The following IL31RA variants were observed in gnomAD, a reference collection of about 807,000 sequenced individuals.
IL31RA encodes the protein interleukin-31 receptor subunit alpha.
Under a neutral mutation model 83.7 loss-of-function variants are expected in IL31RA, and 66 were observed. The observed-to-expected ratio is 0.79, with a 90% CI of 0.65 to 0.97. The LOEUF (loss-of-function observed/expected upper bound fraction) is 0.97. IL31RA is among the 50% of genes least tolerant of loss of function. The pLI is 0.00. For missense variants in IL31RA, 798 were observed against 919.4 expected, an observed-to-expected ratio of 0.87 and a Z score of 1.71; for synonymous variants, 325 against 329.0, an observed-to-expected ratio of 0.99 and a Z score of 0.13.
intron 5 of IL31RA, among the ~76,000 whole-genome samples, chr5:55,889,454 G>A (rs1747846161): frequency 6.6e-6 from 1 of 152,216 alleles, no homozygotes. Context: ...AAAAAGCCGA[G>A]GAGTGAAGAA....
intron 4 of IL31RA, among the ~76,000 whole-genome samples, chr5:55,875,433 G>A (rs772542619): frequency 1.7e-4 from 26 of 152,228 alleles, no homozygotes; most frequent in Non-Finnish European, 3.4e-4. Context: ...AAAGACTAGT[G>A]TTAATTATTT....
chr5:55,865,017 ACCCTTGGTTCAC>A (rs1745957708), intron 2 of IL31RA, among the ~76,000 whole-genome samples: 1 of 152,070 alleles, frequency 6.6e-6, no homozygotes, highest in Non-Finnish European at 1.5e-5. Flanking sequence ...TTGCAAGCTA[ACCCTTGGTTCAC>A]CTCTTGTAGG....
chr5:55,861,623 A>C (rs1053849155), intron 2 of IL31RA, among the ~76,000 whole-genome samples: 39 of 152,236 alleles, frequency 2.6e-4, no homozygotes, highest in Non-Finnish European at 1.0e-4. Context: ...GATAGAAAAT[A>C]GATGATACAG....
chr5:55,872,331 T>G lies in IL31RA; in HGVS notation c.334T>G (p.Ser112Ala). The change falls in exon 4 of 15, where the codon TCG (serine) becomes GCG (alanine). Residue 112 changes from serine (S) to alanine (A), a missense_variant. Coordinates refer to ENST00000652347, the MANE Select transcript of IL31RA (RefSeq NM_139017.7). ...TNSSTSENRA[S>A]CSFFLPRITI... Reference sequence around the variant, plus strand: ...TAGTTCTACAAGTGAAAATCGTGCTTCGTGCTCTTTTTTCCTTCCAAGAAT... The same window carrying G: ...TAGTTCTACAAGTGAAAATCGTGCTGCGTGCTCTTTTTTCCTTCCAAGAAT... 1 of 1,613,408 alleles carries G rather than the reference T, an allele frequency of 6.2e-7. No individual in the cohort carries two copies. Among genetic ancestry groups the G allele is most frequent in the Non-Finnish European group, 8.5e-7 (1 of 1,179,430 alleles).
intron 12 of IL31RA, among the ~76,000 whole-genome samples, chr5:55,912,230 T>C (rs148576092): frequency 2.3e-4 from 35 of 152,338 alleles, no homozygotes; most frequent in African/African-American, 8.2e-4. Flanking sequence ...CCCTGAATTC[T>C]CTGCTTAAAA....
intron 2 of IL31RA, among the ~76,000 whole-genome samples, chr5:55,867,261 TTGTGTGCGTG>T (rs1159630682): frequency 2.0e-3 from 17 of 8,450 alleles, no homozygotes; most frequent in East Asian, 5.8e-3. Flanking sequence ...GTGCGTGTGT[TTGTGTGCGTG>T]TGTGTGCATG....
At chr5:55,847,635 T>G (rs1744968215), upstream of IL31RA, among the ~76,000 whole-genome samples, 1 of 152,216 alleles carries the variant, frequency 6.6e-6, no homozygotes, top group Non-Finnish European at 1.5e-5. Flanking sequence ...CCCTTACTGT[T>G]TTCCCCATTG....
intron 9 of IL31RA, among the ~76,000 whole-genome samples, chr5:55,906,812 G>A (rs1359203022): frequency 6.6e-6 from 1 of 152,174 alleles, no homozygotes; most frequent in East Asian, 1.9e-4. Flanking sequence ...AGGATGGAGT[G>A]CAGTGGCACG....
At chr5:55,910,817 T>C in intron 12 of IL31RA, 145 bp downstream of exon 12, 1 of 954,790 alleles carries the variant, frequency 1.0e-6, no homozygotes, top group Admixed American at 1.7e-5. Context: ...TCACCAACCT[T>C]CCTGGAAAGC....
intron 4 of IL31RA, among the ~76,000 whole-genome samples, chr5:55,877,565 G>GA (rs1746936113): frequency 6.6e-6 from 1 of 152,076 alleles, no homozygotes; most frequent in Admixed American, 6.5e-5. Context: ...ATTTATTTTG[G>GA]AATGTCTTAA....
intron 4 of IL31RA, among the ~76,000 whole-genome samples, chr5:55,874,427 A>C (rs1051248412): frequency 3.9e-5 from 6 of 152,066 alleles, no homozygotes; most frequent in African/African-American, 1.4e-4. Context: ...TTAGCTTGTC[A>C]ATTTCTGCAG....
intron 5 of IL31RA, among the ~76,000 whole-genome samples, chr5:55,885,739 C>G (rs1747557508): frequency 6.6e-6 from 1 of 152,192 alleles, no homozygotes; most frequent in African/African-American, 2.4e-5. Flanking sequence ...ACTTCTCCCC[C>G]CAGCTTCCTT....
At chr5:55,870,554 T>G (rs1746449546) in intron 3 of IL31RA, among the ~76,000 whole-genome samples, 1 of 152,090 alleles carries the variant, frequency 6.6e-6, no homozygotes, top group African/African-American at 2.4e-5. Flanking sequence ...ATTTCCCCTC[T>G]TCCTCCATCT....
intron 5 of IL31RA, among the ~76,000 whole-genome samples, chr5:55,884,560 G>A (rs556920903): frequency 2.2e-4 from 34 of 152,114 alleles, no homozygotes; most frequent in Admixed American, 5.9e-4. Flanking sequence ...TCAGCCTCTC[G>A]AGCAGCTAGG....
intron 2 of IL31RA, among the ~76,000 whole-genome samples, chr5:55,867,201 G>GTGTT (rs1561543309): frequency 2.1e-5 from 2 of 94,558 alleles, no homozygotes; most frequent in Admixed American, 9.3e-5. Context: ...GTGTGTGTTT[G>GTGTT]TGTGTGTGCG....
At chr5:55,901,484 T>C (rs1442677664) in intron 8 of IL31RA, among the ~76,000 whole-genome samples, 4 of 152,128 alleles carry the variant, frequency 2.6e-5, no homozygotes, top group African/African-American at 4.8e-5. Context: ...ACTCGTAAAA[T>C]GGAGCTATTA....
At chr5:55,866,420 C>T (rs1285929395) in intron 2 of IL31RA, among the ~76,000 whole-genome samples, 1 of 151,946 alleles carries the variant, frequency 6.6e-6, no homozygotes, top group African/African-American at 2.4e-5. Context: ...TACCTCATAT[C>T]ATCAGGCATT....
rs1192555014 is a variant in IL31RA, at chr5:55,896,743, CCCTTG to C, written c.852+329_852+333del. Among the ~76,000 whole-genome samples the C allele has an allele frequency of 6.5e-5, 3 of 45,994 alleles. No homozygotes were observed. In the Admixed American group the frequency reaches 7.1e-4, roughly 11 times the overall value. 30.2% of individuals were successfully genotyped at this position (45,994 alleles called of 152,430 possible). A position where few individuals can be genotyped will look rare whatever the true frequency, so the allele number is the denominator to read the frequency against. ...CCCTCCCCTTCCCTCTCCTTCCCTT[CCCTTG>C]CCTTGCCTTGCCTTCCCTTCCCTTC... On this transcript the variant is annotated intron_variant, in intron 7 of 14. Coordinates refer to ENST00000652347, the MANE Select transcript of IL31RA (RefSeq NM_139017.7).
chr5:55,849,699 G>C (rs1007897141), upstream of IL31RA, among the ~76,000 whole-genome samples: 1 of 152,104 alleles, frequency 6.6e-6, no homozygotes, highest in Non-Finnish European at 1.5e-5. Context: ...CTTGAGCCTG[G>C]CGTCTGCCAC....
Sources: allele counts gnomAD v4.1 joint callset (sites outside exome capture counted in the v4.1 genomes callset), GRCh38; gene constraint gnomAD v4.1.1; transcripts MANE v1.5; gene names NCBI Gene and HGNC (gene_info 2026-07-23, HGNC 2026-07-21).